The following PREP variants were observed in gnomAD, a reference collection of about 807,000 sequenced individuals.
PREP encodes dJ355L5.1 (prolyl endopeptidase).
In PREP, 29 loss-of-function variants were observed where a neutral mutation model predicts 87.6. The ratio of observed to expected loss-of-function variants is 0.33; its 90% CI spans 0.25 to 0.45. The LOEUF (loss-of-function observed/expected upper bound fraction) is 0.45. Among genes scored for constraint, PREP ranks in the 20% least tolerant of loss-of-function variants. The pLI is 1.00. For synonymous variants in PREP, 337 were observed against 328.6 expected, an observed-to-expected ratio of 1.03 and a Z score of -0.28; for missense variants, 695 against 886.5, an observed-to-expected ratio of 0.78 and a Z score of 2.74.
intron 2 of PREP, among the ~76,000 whole-genome samples, 200 bp downstream of exon 2, chr6:105,397,653 A>T (rs1266069983): frequency 6.6e-6 from 1 of 152,222 alleles, no homozygotes; most frequent in Non-Finnish European, 1.5e-5. Context: ...CACTTAGGTG[A>T]TCTTCTCTGG....
chr6:105,388,828 A>T (rs1425460492), intron 2 of PREP, among the ~76,000 whole-genome samples: 1 of 152,232 alleles, frequency 6.6e-6, no homozygotes, highest in Non-Finnish European at 1.5e-5. Context: ...ATGAATGGGT[A>T]GAAGGTGTCT....
intron 2 of PREP, among the ~76,000 whole-genome samples, chr6:105,383,213 C>T (rs1171454430): frequency 6.7e-6 from 1 of 149,548 alleles, no homozygotes; most frequent in Admixed American, 6.7e-5. Context: ...GAATAATGTA[C>T]TTTCCAAGGC....
At chr6:105,294,453 C>T (rs1298103971) in intron 10 of PREP, among the ~76,000 whole-genome samples, 2 of 152,210 alleles carry the variant, frequency 1.3e-5, no homozygotes, top group Admixed American at 6.5e-5. Flanking sequence ...TGATTTCCCT[C>T]AGTGACTGTA....
At chr6:105,349,121 T>C (rs1310315482) in intron 7 of PREP, among the ~76,000 whole-genome samples, 3 of 152,130 alleles carry the variant, frequency 2.0e-5, no homozygotes, top group Non-Finnish European at 4.4e-5. Flanking sequence ...AGGTGAGTCA[T>C]GGAAATTACC....
intron 8 of PREP, among the ~76,000 whole-genome samples, chr6:105,331,083 G>A (rs1771318892): frequency 6.6e-6 from 1 of 152,134 alleles, no homozygotes; most frequent in African/African-American, 2.4e-5. Flanking sequence ...AAAGGACAAG[G>A]TGATTTGTAG....
At chr6:105,312,501 A>G (rs527832114) in intron 10 of PREP, among the ~76,000 whole-genome samples, 1 of 152,352 alleles carries the variant, frequency 6.6e-6, no homozygotes, top group South Asian at 2.1e-4. Context: ...CAATTTCTGC[A>G]TGAAGACCCA....
intron 6 of PREP, among the ~76,000 whole-genome samples, chr6:105,366,113 G>C (rs1301257157): frequency 3.9e-5 from 6 of 151,986 alleles, no homozygotes; most frequent in Admixed American, 3.3e-4. Flanking sequence ...AAATTATCCC[G>C]GCGTGGTGGT....
At chr6:105,386,990 ATCAC>A (rs1773012889) in intron 2 of PREP, among the ~76,000 whole-genome samples, 1 of 152,220 alleles carries the variant, frequency 6.6e-6, no homozygotes, top group African/African-American at 2.4e-5. Context: ...AGGTGGGCGG[ATCAC>A]TTGAGGTCAA....
At chr6:105,351,400 C>T (rs1390992628) in intron 7 of PREP, among the ~76,000 whole-genome samples, 1 of 133,656 alleles carries the variant, frequency 7.5e-6, no homozygotes, top group African/African-American at 2.9e-5. Context: ...TAGTGCACCT[C>T]TGTACTGTCT....
intron 7 of PREP, among the ~76,000 whole-genome samples, chr6:105,352,134 CCTCT>C (rs1771973216): frequency 6.6e-6 from 1 of 151,990 alleles, no homozygotes; most frequent in African/African-American, 2.4e-5. Context: ...CTAGGTCAAC[CCTCT>C]CTAAAATATT....
intron 6 of PREP, among the ~76,000 whole-genome samples, chr6:105,365,820 T>C (rs540974037): frequency 6.6e-6 from 1 of 151,798 alleles, no homozygotes; most frequent in African/African-American, 2.4e-5. Flanking sequence ...ATTCACTAAA[T>C]AGGGCCCTGA....
chr6:105,346,480 G>T (rs969955732), intron 7 of PREP, among the ~76,000 whole-genome samples: 11 of 152,148 alleles, frequency 7.2e-5, no homozygotes, highest in Admixed American at 5.2e-4. Context: ...ATAAAAATAT[G>T]GTAGGTACTG....
At chr6:105,368,265 G>A (rs866788684) in intron 6 of PREP, among the ~76,000 whole-genome samples, 25 of 152,192 alleles carry the variant, frequency 1.6e-4, no homozygotes, top group African/African-American at 6.0e-4. Flanking sequence ...TTAGTACACA[G>A]GAATGAACTA....
chr6:105,400,219 TCTC>T (rs1431736703), intron 1 of PREP, among the ~76,000 whole-genome samples: 3 of 152,124 alleles, frequency 2.0e-5, no homozygotes, highest in Non-Finnish European at 2.9e-5. Context: ...TCATTCTTGA[TCTC>T]CTCAAGAAGC....
At chr6:105,394,447 T>C (rs1281497928) in intron 2 of PREP, among the ~76,000 whole-genome samples, 2 of 152,168 alleles carry the variant, frequency 1.3e-5, no homozygotes, top group African/African-American at 2.4e-5. Context: ...TGAAAACTTA[T>C]TCAAATCTGT....
intron 2 of PREP, among the ~76,000 whole-genome samples, chr6:105,389,665 A>G (rs943597996): frequency 2.0e-5 from 3 of 152,078 alleles, no homozygotes; most frequent in Non-Finnish European, 2.9e-5. Flanking sequence ...TTCCACCCCA[A>G]TGGCTCTGAA....
intron 10 of PREP, among the ~76,000 whole-genome samples, chr6:105,310,129 AAGAG>A (rs893575811): frequency 7.9e-5 from 12 of 152,350 alleles, no homozygotes; most frequent in African/African-American, 2.4e-4. Context: ...TAATCGGAAG[AAGAG>A]AGAGAGTGGG....
Position 105,274,568 on chromosome 6 carries a change from C to T in PREP, c.*3576G>A, listed in dbSNP as rs1016276654. Among the ~76,000 whole-genome samples, 3 of 152,236 alleles carry T rather than the reference C, an allele frequency of 2.0e-5. No homozygotes were observed. The highest frequency in any genetic ancestry group is 2.0e-4 in the Admixed American group (3 of 15,296). On this transcript the variant is annotated 3_prime_UTR_variant, in exon 15 of 15. Coordinates refer to ENST00000652536, the MANE Select transcript of PREP (RefSeq NM_002726.5). ...ATCACCTGAGGTCAGGAGTTCAAGA[C>T]CAGCCTGGCCAACATGGTGAAACCC...
At chr6:105,373,194 G>GCTA (rs1489379546) in intron 5 of PREP, among the ~76,000 whole-genome samples, 175 bp downstream of exon 5, 1 of 152,204 alleles carries the variant, frequency 6.6e-6, no homozygotes, top group Non-Finnish European at 1.5e-5. Context: ...ATTATTCTAA[G>GCTA]CTACTACATT....
Sources: allele counts gnomAD v4.1 joint callset (sites outside exome capture counted in the v4.1 genomes callset), GRCh38; gene constraint gnomAD v4.1.1; transcripts MANE v1.5; gene names NCBI Gene and HGNC (gene_info 2026-07-23, HGNC 2026-07-21).